SIPA1L3: variants seen among roughly 807,000 people sequenced by gnomAD.
SIPA1L3 encodes the protein signal induced proliferation associated 1 like 3.
Under a neutral mutation model 150.1 loss-of-function variants are expected in SIPA1L3, and 59 were observed. That is an observed-to-expected ratio of 0.39 (90% confidence interval 0.32 to 0.49). The LOEUF (loss-of-function observed/expected upper bound fraction) is 0.49, where lower values mean the gene tolerates loss of function less well. Ranked by LOEUF, SIPA1L3 falls within the 20% of genes least tolerant of loss-of-function variation. SIPA1L3 has a pLI of 0.86. For missense variants in SIPA1L3, 2,211 were observed against 2,489.5 expected (o/e 0.89, Z 2.38); for synonymous variants, 1,070 against 1,077.6 (o/e 0.99, Z 0.14).
chr19:38,154,243 C>T (rs997311961), intron 13 of SIPA1L3, among the ~76,000 whole-genome samples: 11 of 152,248 alleles, frequency 7.2e-5, no homozygotes, highest in African/African-American at 2.6e-4. Flanking sequence ...GTGGTATCCC[C>T]CGTTGTATGA....
intron 13 of SIPA1L3, among the ~76,000 whole-genome samples, chr19:38,153,987 G>A (rs1600143522): frequency 6.6e-6 from 1 of 152,062 alleles, no homozygotes. Flanking sequence ...ATAACCTATC[G>A]CAGAGTGGAC....
chr19:38,140,093 G>A (rs1044890222), intron 10 of SIPA1L3, among the ~76,000 whole-genome samples: 1 of 147,556 alleles, frequency 6.8e-6, no homozygotes, highest in African/African-American at 2.4e-5. Context: ...ATCTTTTGCT[G>A]GGTGGCCATG....
At chr19:38,132,153 C>A (rs1055965933) in intron 10 of SIPA1L3, among the ~76,000 whole-genome samples, 1 of 152,048 alleles carries the variant, frequency 6.6e-6, no homozygotes, top group African/African-American at 2.4e-5. Flanking sequence ...GTGGGAAAAT[C>A]ACTTGAGCCT....
At chr19:37,963,858 T>A (rs980195553) in intron 1 of SIPA1L3, 5 of 152,216 alleles carry the variant, frequency 3.3e-5, no homozygotes, top group African/African-American at 1.2e-4. Context: ...CTTTCCAAAT[T>A]TCCAAACTTT....
intron 1 of SIPA1L3, among the ~76,000 whole-genome samples, chr19:37,931,999 C>T (rs111426199): frequency 1.8e-4 from 28 of 152,302 alleles, no homozygotes; most frequent in African/African-American, 6.0e-4. Context: ...GTGAGCATTC[C>T]GGTTGTGGTT....
At chr19:37,990,593 GC>G (rs1395750709) in intron 1 of SIPA1L3, among the ~76,000 whole-genome samples, 1 of 152,208 alleles carries the variant, frequency 6.6e-6, no homozygotes, top group African/African-American at 2.4e-5. Flanking sequence ...CAGCTAGTCA[GC>G]CCACAGCGAG....
chr19:38,170,967 A>G (rs1285048508), intron 15 of SIPA1L3, among the ~76,000 whole-genome samples: 1 of 130,208 alleles, frequency 7.7e-6, no homozygotes, highest in Non-Finnish European at 1.8e-5. Context: ...CAACATATAT[A>G]TAGACACACA....
At chr19:38,091,986 C>T (rs1325275775) in intron 4 of SIPA1L3, among the ~76,000 whole-genome samples, 5 of 151,386 alleles carry the variant, frequency 3.3e-5, no homozygotes, top group Admixed American at 3.3e-4. Flanking sequence ...ATCGCTTGAA[C>T]CTGAGAGGTG....
chr19:37,986,531 G>C (rs1967354760), intron 1 of SIPA1L3, among the ~76,000 whole-genome samples: 2 of 152,234 alleles, frequency 1.3e-5, no homozygotes, highest in South Asian at 4.1e-4. Flanking sequence ...TTGATGCCAG[G>C]AAGCTGAGAA....
At chr19:38,140,236 G>A (rs1012141843) in intron 10 of SIPA1L3, among the ~76,000 whole-genome samples, 3 of 152,176 alleles carry the variant, frequency 2.0e-5, no homozygotes, top group South Asian at 2.1e-4. Flanking sequence ...AGCATGGCTC[G>A]GGGACCCCTC....
At chr19:37,973,586 A>C (rs1008646969) in intron 1 of SIPA1L3, among the ~76,000 whole-genome samples, 3 of 125,390 alleles carry the variant, frequency 2.4e-5, no homozygotes, top group Non-Finnish European at 4.8e-5. Flanking sequence ...AAGCACTAAA[A>C]CGCCTCTCAG....
chr19:38,175,920 C>G (rs564870337), intron 15 of SIPA1L3, among the ~76,000 whole-genome samples: 1 of 151,950 alleles, frequency 6.6e-6, no homozygotes, highest in African/African-American at 2.4e-5. Context: ...AAAGAAAGAA[C>G]GTTCAGGCTG....
intron 4 of SIPA1L3, among the ~76,000 whole-genome samples, 197 bp downstream of exon 4, chr19:38,089,048 T>C (rs920652846): frequency 5.9e-5 from 9 of 152,048 alleles, no homozygotes; most frequent in Admixed American, 2.6e-4. Flanking sequence ...TGGCCAGGCA[T>C]GGTGGCTCAC....
intron 1 of SIPA1L3, among the ~76,000 whole-genome samples, chr19:37,908,617 T>G (rs1264794245): frequency 9.6e-6 from 1 of 104,512 alleles, no homozygotes; most frequent in African/African-American, 3.1e-5. Context: ...TATCTTGCTG[T>G]TTTTTTTTTT....
intron 8 of SIPA1L3, among the ~76,000 whole-genome samples, chr19:38,114,474 C>T (rs941039): frequency 0.23 from 34,432 of 150,726 alleles, 5,177 homozygotes; most frequent in African/African-American, 0.43. Context: ...CTGTAAAGTG[C>T]AATCTGACAA....
chr19:38,028,087 C>T (rs1237547711), intron 1 of SIPA1L3, among the ~76,000 whole-genome samples: 4 of 152,060 alleles, frequency 2.6e-5, no homozygotes, highest in South Asian at 2.1e-4. Context: ...CAGCCTCTGC[C>T]GGTGCCCAGA....
intron 2 of SIPA1L3, among the ~76,000 whole-genome samples, chr19:38,029,940 C>T (rs563817503): frequency 2.0e-5 from 3 of 152,002 alleles, no homozygotes; most frequent in African/African-American, 4.8e-5. Flanking sequence ...CTGCAACCTC[C>T]ACCTCCCAGG....
intron 16 of SIPA1L3, among the ~76,000 whole-genome samples, chr19:38,191,005 AG>A (rs1600192653): frequency 6.6e-6 from 1 of 152,164 alleles, no homozygotes; most frequent in East Asian, 1.9e-4. Flanking sequence ...ACTCCTTCAC[AG>A]GCTGTGTGAC....
At chr19:38,065,976 G>T in intron 2 of SIPA1L3, among the ~76,000 whole-genome samples, 2 of 128,006 alleles carry the variant, frequency 1.6e-5, no homozygotes, top group Middle Eastern at 4.6e-3. Context: ...TCTGTTGCCC[G>T]GGCTTGATCT....
Sources: gnomAD v4.1 joint callset for allele counts (sites outside exome capture counted in the v4.1 genomes callset) on GRCh38, gnomAD v4.1.1 for gene constraint, MANE v1.5 for transcripts, NCBI Gene and HGNC (gene_info 2026-07-23, HGNC 2026-07-21) for gene names.